Variants in FAM117B observed in about 807,000 individuals in gnomAD.
FAM117B encodes the protein protein FAM117B.
In FAM117B, 22 loss-of-function variants were observed where a neutral mutation model predicts 52.8. The ratio of observed to expected loss-of-function variants is 0.42; its 90% CI spans 0.30 to 0.59. The LOEUF (loss-of-function observed/expected upper bound fraction) is 0.59. FAM117B is among the 20% of genes least tolerant of loss of function. The probability of loss-of-function intolerance (pLI) is 0.22; values close to 1 mark genes in which losing one functional copy is unlikely to be tolerated. For synonymous variants in FAM117B, 309 were observed against 324.1 expected (o/e 0.95, Z 0.50); for missense variants, 678 against 802.6 (o/e 0.84, Z 1.88).
intron 3 of FAM117B, 64 bp from the exon 4 acceptor site, chr2:202,726,186 C>A: frequency 9.4e-7 from 1 of 1,064,192 alleles, no homozygotes; most frequent in Non-Finnish European, 1.4e-6. Flanking sequence ...TCTTATTAAG[C>A]AAGGATGTGT....
intron 2 of FAM117B, among the ~76,000 whole-genome samples, chr2:202,709,234 C>T (rs989264088): frequency 2.9e-4 from 43 of 149,928 alleles, no homozygotes; most frequent in African/African-American, 1.0e-3. Context: ...CAGGGTTTCG[C>T]ACTTGTTGCC....
intron 1 of FAM117B, among the ~76,000 whole-genome samples, 172 bp from the exon 2 acceptor site, chr2:202,695,709 G>A (rs1297393003): frequency 6.6e-6 from 1 of 152,166 alleles, no homozygotes; most frequent in East Asian, 1.9e-4. Flanking sequence ...ATATAGAATT[G>A]AGTACAATGT....
chr2:202,637,856 TGTACTTAGTTA>T (rs1689711458), intron 1 of FAM117B, among the ~76,000 whole-genome samples: 1 of 151,268 alleles, frequency 6.6e-6, no homozygotes, highest in Non-Finnish European at 1.5e-5. Context: ...CAAAATTACA[TGTACTTAGTTA>T]GGTAACTTTT....
intron 4 of FAM117B, among the ~76,000 whole-genome samples, chr2:202,754,849 C>T (rs754103909): frequency 3.1e-5 from 4 of 128,824 alleles, no homozygotes; most frequent in Non-Finnish European, 6.3e-5. Context: ...GAGATCACAT[C>T]ACTGTGCTCC....
intron 1 of FAM117B, among the ~76,000 whole-genome samples, chr2:202,679,489 C>G (rs1277101392): frequency 1.3e-5 from 2 of 152,200 alleles, no homozygotes; most frequent in African/African-American, 4.8e-5. Context: ...TACAGTGAAA[C>G]TCCATTAGGC....
intron 1 of FAM117B, among the ~76,000 whole-genome samples, chr2:202,683,125 C>T (rs544414531): frequency 3.9e-4 from 60 of 152,124 alleles, no homozygotes; most frequent in Non-Finnish European, 7.2e-4. Context: ...GTCAGGAGTT[C>T]GAGACCAGCC....
At chr2:202,672,919 G>A (rs1238654786) in intron 1 of FAM117B, among the ~76,000 whole-genome samples, 1 of 152,078 alleles carries the variant, frequency 6.6e-6, no homozygotes, top group African/African-American at 2.4e-5. Flanking sequence ...ATGGTGGCAT[G>A]CACCTGTAGT....
chr2:202,664,312 A>G (rs1430955281), intron 1 of FAM117B, among the ~76,000 whole-genome samples: 1 of 152,216 alleles, frequency 6.6e-6, no homozygotes, highest in Non-Finnish European at 1.5e-5. Context: ...GGTAGGAAAA[A>G]TGATAAAAAT....
chr2:202,694,316 C>T (rs1559103822), intron 1 of FAM117B, among the ~76,000 whole-genome samples: 1 of 150,668 alleles, frequency 6.6e-6, no homozygotes, highest in Non-Finnish European at 1.5e-5. Context: ...TCAGCCTCCT[C>T]GGTAGCTGGG....
intron 1 of FAM117B, among the ~76,000 whole-genome samples, chr2:202,654,896 A>G (rs1690028433): frequency 6.6e-6 from 1 of 152,068 alleles, no homozygotes; most frequent in Non-Finnish European, 1.5e-5. Flanking sequence ...AAACACCTTT[A>G]TAAGTGTCTA....
intron 2 of FAM117B, among the ~76,000 whole-genome samples, chr2:202,715,315 C>T (rs1259969120): frequency 9.2e-5 from 14 of 151,818 alleles, no homozygotes; most frequent in East Asian, 7.8e-4. Context: ...ACCCCCACCT[C>T]CCTCCCGGAC....
intron 2 of FAM117B, among the ~76,000 whole-genome samples, chr2:202,716,526 T>G (rs1691059527): frequency 6.6e-6 from 1 of 152,110 alleles, no homozygotes; most frequent in African/African-American, 2.4e-5. Flanking sequence ...TTCTTGCTTT[T>G]TATTTTTAGT....
At chr2:202,637,733 T>G (rs2105749848) in intron 1 of FAM117B, among the ~76,000 whole-genome samples, 1 of 152,058 alleles carries the variant, frequency 6.6e-6, no homozygotes, top group South Asian at 2.1e-4. Context: ...AGTGGCAGAG[T>G]TGGTATTTAT....
intron 1 of FAM117B, among the ~76,000 whole-genome samples, chr2:202,664,935 G>T (rs1027481807): frequency 1.3e-5 from 2 of 152,100 alleles, no homozygotes; most frequent in Non-Finnish European, 2.9e-5. Context: ...CGGGGAGGAG[G>T]CTCCACTGTG....
chr2:202,731,647 G>C (rs759131336), intron 4 of FAM117B, among the ~76,000 whole-genome samples: 1 of 151,650 alleles, frequency 6.6e-6, no homozygotes, highest in Non-Finnish European at 1.5e-5. Context: ...GGCCAGGCTG[G>C]TCTCGTACTC....
At chr2:202,707,970 A>G (rs549048093) in intron 2 of FAM117B, among the ~76,000 whole-genome samples, 1 of 152,034 alleles carries the variant, frequency 6.6e-6, no homozygotes, top group African/African-American at 2.4e-5. Flanking sequence ...GGGTTTCACC[A>G]TGTTGGCCAG....
chr2:202,733,762 A>ATTTC, intron 4 of FAM117B, among the ~76,000 whole-genome samples: 1 of 152,318 alleles, frequency 6.6e-6, no homozygotes, highest in East Asian at 1.9e-4. Context: ...CATGTTTTAC[A>ATTTC]ATCAGATTTC....
At chr2:202,695,011 C>T (rs1690689846) in intron 1 of FAM117B, among the ~76,000 whole-genome samples, 1 of 152,030 alleles carries the variant, frequency 6.6e-6, no homozygotes, top group Non-Finnish European at 1.5e-5. Context: ...CTCCCATTTC[C>T]CTGAAATGTA....
chr2:202,759,339 C>T lies in FAM117B; in HGVS notation c.1437C>T (p.Val479=), dbSNP rs770775899. 4.3e-6 allele frequency: 7 copies of T among 1,613,004 alleles called. No homozygotes were observed. The highest frequency in any genetic ancestry group is 5.9e-6 in the Non-Finnish European group (7 of 1,179,752). The part of the protein sequence containing the change: ...EPPEGCERVK[V]FEECSPKQLH... ...CTGAGGGCTGTGAAAGGGTCAAAGT[C>T]TTTGAGGAATGCTCGTAAGTATCCC... The change falls in exon 7 of 8, where the codon GTC becomes GTT. Residue 479 remains valine (V), a synonymous_variant. Coordinates refer to ENST00000392238, the MANE Select transcript of FAM117B (RefSeq NM_173511.4).
Sources: gnomAD v4.1 joint callset for allele counts (sites outside exome capture counted in the v4.1 genomes callset) on GRCh38, gnomAD v4.1.1 for gene constraint, MANE v1.5 for transcripts, NCBI Gene and HGNC (gene_info 2026-07-23, HGNC 2026-07-21) for gene names.